TMEM63C: variants seen among roughly 807,000 people sequenced by gnomAD.
TMEM63C encodes the protein transmembrane protein 63C, also known as osmosensitive cation channel TMEM63C.
In TMEM63C, 32 loss-of-function variants were observed where a neutral mutation model predicts 99.2. The ratio of observed to expected loss-of-function variants is 0.32; its 90% CI spans 0.24 to 0.43. The LOEUF is 0.43. TMEM63C is among the 20% of genes least tolerant of loss of function. The pLI is 1.00. For synonymous variants in TMEM63C, 376 were observed against 397.9 expected, an observed-to-expected ratio of 0.94 and a Z score of 0.66; for missense variants, 826 against 1,053.0, an observed-to-expected ratio of 0.78 and a Z score of 2.98.
At position 77,181,881 on chromosome 14, in the gene TMEM63C, C is replaced by CT. The variant is rs1887919841; in HGVS notation, c.-89dup. ...CGAGCCTGGGGCTGGGGCCGCGGTG[C>CT]TGAGGACGCAAATGTGGTGAGCACG... On this transcript the variant is annotated 5_prime_UTR_variant, in exon 1 of 24. Transcript: ENST00000298351. 1 of 139,076 alleles carries CT rather than the reference C, an allele frequency of 7.2e-6. No homozygotes were observed. The highest frequency in any genetic ancestry group is 2.5e-5 in the African/African-American group (1 of 40,284). The allele number at this position is 139,076 out of a possible 1,614,324, so 8.6% of individuals were successfully genotyped here. A position where few individuals can be genotyped will look rare whatever the true frequency, so the allele number is the denominator to read the frequency against.
intron 6 of TMEM63C, among the ~76,000 whole-genome samples, chr14:77,228,813 A>G (rs1393836100): frequency 6.6e-6 from 1 of 152,186 alleles, no homozygotes; most frequent in Non-Finnish European, 1.5e-5. Flanking sequence ...CTGGGATTAC[A>G]GGCATAAGCC....
At chr14:77,184,339 C>G (rs1333724298) in intron 1 of TMEM63C, among the ~76,000 whole-genome samples, 1 of 152,064 alleles carries the variant, frequency 6.6e-6, no homozygotes, top group African/African-American at 2.4e-5. Flanking sequence ...TTATAGTTAA[C>G]ATATTTAACA....
intron 1 of TMEM63C, among the ~76,000 whole-genome samples, chr14:77,199,865 C>T (rs773999333): frequency 5.3e-5 from 8 of 152,082 alleles, no homozygotes; most frequent in African/African-American, 9.7e-5. Context: ...ACTCAGACAA[C>T]GAAGGCAGAA....
intron 21 of TMEM63C, 61 bp from the exon 22 acceptor site, chr14:77,251,728 C>A (rs1351024965): frequency 1.6e-5 from 22 of 1,387,156 alleles, no homozygotes; most frequent in Non-Finnish European, 2.3e-5. Flanking sequence ...TGGCATCTGC[C>A]AGTTGGGGTG....
At position 77,233,482 on chromosome 14, in the gene TMEM63C, T is replaced by C. The variant is rs1194558694; in HGVS notation, c.524T>C (p.Ile175Thr). The change falls in exon 8 of 24, where the codon ATT becomes ACT. Residue 175 changes from isoleucine (I) to threonine (T), a missense_variant. Physicochemically the swap from Ile to Thr is moderately conservative, Grantham distance 89. Transcript: ENST00000298351. ...DWSSHFARTT[I>T]VNVSTESKLL... ...AGCAGTCACTTTGCTCGGACCACCA[T>C]TGTCAATGTCTCCACAGAGTAGGTA... The C allele has an allele frequency of 6.2e-7, 1 of 1,613,556 alleles. No individual in the cohort carries two copies. The highest frequency in any genetic ancestry group is 1.3e-5 in the African/African-American group (1 of 75,034).
intron 8 of TMEM63C, among the ~76,000 whole-genome samples, chr14:77,234,572 T>C (rs1889003400): frequency 2.0e-5 from 3 of 152,174 alleles, no homozygotes; most frequent in Admixed American, 1.3e-4. Flanking sequence ...CTGTGGAAAC[T>C]GAGGGTGGAG....
At chr14:77,234,422 G>A (rs148335403) in intron 8 of TMEM63C, among the ~76,000 whole-genome samples, 2,478 of 152,306 alleles carry the variant, frequency 0.016, 33 homozygotes, top group Middle Eastern at 0.034. Flanking sequence ...TCCTTCCCGA[G>A]GCCCATTGCT....
chr14:77,236,344 G>GGAGA lies in TMEM63C; in HGVS notation c.543-280_543-279insGAGA, dbSNP rs1566627953. On this transcript the variant is annotated intron_variant, in intron 8 of 23. Coordinates refer to ENST00000298351, the MANE Select transcript of TMEM63C (RefSeq NM_020431.4). The stretch of plus-strand genomic sequence containing the variant: ...GAGACTGTGATGGGTGGGGGTATGG[G>GGAGA]CAGACTGTGGTGGGTGGGGGGTATG... Among the ~76,000 whole-genome samples, 22 of 25,614 alleles carry GGAGA rather than the reference G, an allele frequency of 8.6e-4. 3 individuals are homozygous for GGAGA. The East Asian group carries it at 0.025, about 29-fold the overall frequency. 16.8% of individuals were successfully genotyped at this position (25,614 alleles called of 152,430 possible).
At chr14:77,230,886 G>C (rs1888927043) in intron 6 of TMEM63C, among the ~76,000 whole-genome samples, 1 of 152,194 alleles carries the variant, frequency 6.6e-6, no homozygotes, top group South Asian at 2.1e-4. Context: ...GTTGTTTCCA[G>C]TTTGAGGACG....
intron 23 of TMEM63C, among the ~76,000 whole-genome samples, chr14:77,254,013 A>G (rs2140134601): frequency 6.6e-6 from 1 of 152,344 alleles, no homozygotes; most frequent in South Asian, 2.1e-4. Flanking sequence ...CTGTGCCCCA[A>G]GGCCAGGGCT....
intron 1 of TMEM63C, among the ~76,000 whole-genome samples, chr14:77,203,309 G>A (rs192818893): frequency 6.6e-6 from 1 of 151,652 alleles, no homozygotes; most frequent in Non-Finnish European, 1.5e-5. Flanking sequence ...TTGAACCCGG[G>A]GGGTGGAGAT....
At chr14:77,210,665 G>A (rs1156446672) in intron 1 of TMEM63C, among the ~76,000 whole-genome samples, 1 of 152,190 alleles carries the variant, frequency 6.6e-6, no homozygotes, top group East Asian at 1.9e-4. Context: ...GGGTGGTGGG[G>A]GCAGGGCAGG....
chr14:77,239,824 A>G, intron 12 of TMEM63C, 98 bp downstream of exon 12: 1 of 1,484,938 alleles, frequency 6.7e-7, no homozygotes, highest in Non-Finnish European at 9.0e-7. Context: ...CCCAGGCCTC[A>G]CTCAGGTCTG....
chr14:77,240,502 C>T lies in TMEM63C; in HGVS notation c.958C>T (p.Leu320=). The change falls in exon 13 of 24, where the codon CTA becomes TTA. Residue 320 remains leucine (L), a synonymous_variant. Coordinates refer to ENST00000298351, the MANE Select transcript of TMEM63C (RefSeq NM_020431.4). ...EVDAEQYYSE[L]EEQLTDEFNA... ...GGATGCAGAGCAGTATTACAGCGAGCTAGAGGAGCAGCTAACGGACGAGTT... is the reference window on the plus strand; with the variant it reads ...GGATGCAGAGCAGTATTACAGCGAGTTAGAGGAGCAGCTAACGGACGAGTT... 6.2e-7 allele frequency: 1 copy of T among 1,611,370 alleles called. No individual in the cohort carries two copies. Among genetic ancestry groups the T allele is most frequent in the Non-Finnish European group, 8.5e-7 (1 of 1,179,770 alleles).
intron 1 of TMEM63C, among the ~76,000 whole-genome samples, chr14:77,188,149 C>T (rs1283525489): frequency 1.3e-5 from 2 of 152,174 alleles, no homozygotes; most frequent in Non-Finnish European, 2.9e-5. Flanking sequence ...CCGTCAAAGC[C>T]CAATTCAAAT....
chr14:77,226,062 A>G (rs543247865), intron 6 of TMEM63C, among the ~76,000 whole-genome samples: 1 of 152,274 alleles, frequency 6.6e-6, no homozygotes, highest in East Asian at 1.9e-4. Context: ...CAGAGCAGAC[A>G]CTTACCGGAA....
chr14:77,188,472 A>T (rs538599148), intron 1 of TMEM63C, among the ~76,000 whole-genome samples: 15 of 152,346 alleles, frequency 9.8e-5, no homozygotes, highest in Admixed American at 2.6e-4. Flanking sequence ...ATGCTTTATG[A>T]CCAACGATTT....
intron 22 of TMEM63C, among the ~76,000 whole-genome samples, chr14:77,252,467 G>T (rs1280061732): frequency 6.6e-6 from 1 of 152,184 alleles, no homozygotes; most frequent in African/African-American, 2.4e-5. Context: ...GCCAACAACT[G>T]TGTGTTCTAG....
Position 77,245,992 on chromosome 14 carries a change from A to G in TMEM63C, c.1501A>G (p.Met501Val), listed in dbSNP as rs1275827831. ...CAAGTGCTACATCTTTCTGGTGTTC[A>G]TGGTAGTCATTCTGCCCTCTATGGG... Reference protein sequence around the residue: ...VHKCYIFLVFMVVILPSMGLT... With the variant: ...VHKCYIFLVFVVVILPSMGLT... Residue 501 changes from methionine to valine, a missense_variant, in exon 17 of 24, where the codon ATG becomes GTG. Met to Val is a conservative substitution (Grantham distance 21, BLOSUM62 1). Transcript: ENST00000298351. The G allele has an allele frequency of 6.2e-7, 1 of 1,614,004 alleles. No homozygotes were observed. The highest frequency in any genetic ancestry group is 2.2e-5 in the East Asian group (1 of 44,886).
Sources: gnomAD v4.1 joint callset for allele counts (sites outside exome capture counted in the v4.1 genomes callset) on GRCh38, gnomAD v4.1.1 for gene constraint, MANE v1.5 for transcripts, NCBI Gene and HGNC (gene_info 2026-07-23, HGNC 2026-07-21) for gene names.